Variants in PRUNE2 observed in about 807,000 individuals in gnomAD.
PRUNE2 encodes the protein protein prune homolog 2.
Under a neutral mutation model 252.0 loss-of-function variants are expected in PRUNE2, and 164 were observed. The observed-to-expected ratio is 0.65, with a 90% CI of 0.57 to 0.74. The LOEUF (loss-of-function observed/expected upper bound fraction) is 0.74, where lower values mean the gene tolerates loss of function less well. Ranked by LOEUF, PRUNE2 falls within the 30% of genes least tolerant of loss-of-function variation. PRUNE2 has a pLI of 0.00. For synonymous variants in PRUNE2, 1,292 were observed against 1,350.2 expected, an observed-to-expected ratio of 0.96 and a Z score of 0.94; for missense variants, 3,495 against 3,711.0, an observed-to-expected ratio of 0.94 and a Z score of 1.51.
chr9:76,850,718 C>A, intron 2 of PRUNE2, 53 bp from the exon 3 acceptor site: 3 of 1,337,928 alleles, frequency 2.2e-6, no homozygotes, highest in Non-Finnish European at 3.2e-6. Flanking sequence ...GGAAAGAATA[C>A]AATTACATTT....
At position 76,691,927 on chromosome 9, in the gene PRUNE2, G is replaced by A. The variant is rs368118425; in HGVS notation, c.8276+11410C>T. 100 of 630,246 alleles carry A rather than the reference G, an allele frequency of 1.6e-4. No individual in the cohort carries two copies. In the East Asian group the frequency reaches 2.5e-3, roughly 16 times the overall value. The allele number at this position is 630,246 out of a possible 1,614,324, so 39.0% of individuals were successfully genotyped here. On this transcript the variant is annotated intron_variant, in intron 9 of 18. Transcript: ENST00000376718. The stretch of plus-strand genomic sequence containing the variant: ...TGGCAGCTGTCAGTTGCAAGGGGCT[G>A]GGCAGAATTCGGCATCCTCTCATCC...
chr9:76,671,535 T>G (rs953612151), intron 9 of PRUNE2, among the ~76,000 whole-genome samples: 9 of 152,014 alleles, frequency 5.9e-5, no homozygotes, highest in African/African-American at 1.7e-4. Context: ...AATGTTCAGA[T>G]TCAGGAAATA....
At chr9:76,654,496 T>C (rs1848522102) in intron 10 of PRUNE2, among the ~76,000 whole-genome samples, 1 of 152,222 alleles carries the variant, frequency 6.6e-6, no homozygotes, top group Non-Finnish European at 1.5e-5. Flanking sequence ...TTCTTTGTGA[T>C]GATGAAAAGG....
In PRUNE2 at chr9:76,611,377, G is replaced by A. The variant is rs2131722173; in HGVS notation, c.*3193C>T. On this transcript the variant is annotated 3_prime_UTR_variant, in exon 19 of 19. Transcript: ENST00000376718. ...ACTCAAAGAAAGAAAACCATCACATGCAGAATCAATTTTTATTTCTGAATT... is the reference window on the plus strand; with the variant it reads ...ACTCAAAGAAAGAAAACCATCACATACAGAATCAATTTTTATTTCTGAATT... The A allele has an allele frequency of 6.6e-6, 1 of 152,264 alleles. No individual in the cohort carries two copies. Among genetic ancestry groups the A allele is most frequent in the South Asian group, 2.1e-4 (1 of 4,824 alleles). The allele number at this position is 152,264 out of a possible 1,614,324, so 9.4% of individuals were successfully genotyped here.
At chr9:76,870,117 G>T (rs2061099081) in intron 1 of PRUNE2, among the ~76,000 whole-genome samples, 1 of 151,978 alleles carries the variant, frequency 6.6e-6, no homozygotes, top group Non-Finnish European at 1.5e-5. Flanking sequence ...CATATCCAGA[G>T]ATTAACACAT....
chr9:76,671,246 C>T (rs548235656), intron 9 of PRUNE2, among the ~76,000 whole-genome samples: 18 of 144,818 alleles, frequency 1.2e-4, no homozygotes, highest in African/African-American at 3.8e-4. Context: ...TCGAGAACTA[C>T]GTGAAGAATG....
At chr9:76,681,704 G>C (rs980113008) in intron 9 of PRUNE2, among the ~76,000 whole-genome samples, 2 of 152,154 alleles carry the variant, frequency 1.3e-5, no homozygotes, top group African/African-American at 4.8e-5. Context: ...TGAACCACCA[G>C]AAAGGTGCTC....
Position 76,643,325 on chromosome 9 carries a change from TTTTTTAATAC to T in PRUNE2, c.8728+1404_8728+1413del, listed in dbSNP as rs138306572. On this transcript the variant is annotated intron_variant, in intron 12 of 18. Coordinates refer to ENST00000376718, the MANE Select transcript of PRUNE2 (RefSeq NM_015225.3). Reference sequence around the variant, plus strand: ...GACTTTGATGTGACAGACATTTTAATTTTTTAATACTTTTTAAAATGAACACAGACTACTC... The same window carrying T: ...GACTTTGATGTGACAGACATTTTAATTTTTTAAAATGAACACAGACTACTC... 5.2e-3 allele frequency among the ~76,000 whole-genome samples: 799 copies of T among 152,320 alleles called. 5 individuals carry two copies. The highest frequency in any genetic ancestry group is 0.017 in the African/African-American group (723 of 41,568).
At chr9:76,724,146 G>GA (rs1419817914) in intron 6 of PRUNE2, among the ~76,000 whole-genome samples, 1 of 149,176 alleles carries the variant, frequency 6.7e-6, no homozygotes, top group South Asian at 2.2e-4. Context: ...TAATTCATCT[G>GA]AAAGCACAGG....
intron 11 of PRUNE2, among the ~76,000 whole-genome samples, chr9:76,650,108 A>G (rs565982654): frequency 6.6e-6 from 1 of 152,238 alleles, no homozygotes; most frequent in South Asian, 2.1e-4. Flanking sequence ...GCCAGGAACT[A>G]AGGGCAACAA....
intron 4 of PRUNE2, among the ~76,000 whole-genome samples, chr9:76,845,973 ACC>A (rs1403294675): frequency 6.6e-6 from 1 of 152,114 alleles, no homozygotes; most frequent in Non-Finnish European, 1.5e-5. Context: ...TGTGTTCAGG[ACC>A]CCAGGGCTTG....
rs192972581 is a variant in PRUNE2, at chr9:76,614,229, T to C, written c.*341A>G. 17 of 298,974 alleles carry C rather than the reference T, an allele frequency of 5.7e-5. No homozygotes were observed. The highest frequency in any genetic ancestry group is 8.6e-5 in the Non-Finnish European group (14 of 162,082). The allele number at this position is 298,974 out of a possible 1,614,324, so 18.5% of individuals were successfully genotyped here. A position where few individuals can be genotyped will look rare whatever the true frequency, so the allele number is the denominator to read the frequency against. ...TAATCTATGGAAACAAATCCACTCA[T>C]ACTTAACAGTGGATTAAAGGTATCT... On this transcript the variant is annotated 3_prime_UTR_variant, in exon 19 of 19. Transcript: ENST00000376718.
At chr9:76,716,462 T>C (rs532330023) in intron 6 of PRUNE2, among the ~76,000 whole-genome samples, 2 of 152,294 alleles carry the variant, frequency 1.3e-5, no homozygotes, top group South Asian at 4.1e-4. Context: ...AACCAGTCCT[T>C]TGGACTCTCT....
At chr9:76,615,097 C>T (rs1164237970) in intron 18 of PRUNE2, 8 of 986,562 alleles carry the variant, frequency 8.1e-6, no homozygotes, top group Non-Finnish European at 9.6e-6. Context: ...GTTAGCCTAC[C>T]TTACTGAGAT....
At chr9:76,804,721 C>G (rs912857867) in intron 6 of PRUNE2, among the ~76,000 whole-genome samples, 1 of 152,182 alleles carries the variant, frequency 6.6e-6, no homozygotes, top group Non-Finnish European at 1.5e-5. Context: ...GTGGGGGCAG[C>G]GTGCTTGTTC....
rs1310350712 is a variant in PRUNE2 at position 76,705,263 on chromosome 9, T to G, written c.7011A>C (p.Leu2337=). Residue 2337 remains leucine (L), a synonymous_variant, in exon 8 of 19, where the codon CTA becomes CTC. Transcript: ENST00000376718. ...CAGATGAGCAGATATCTTGCTTCCCTAGGTCCCCATCAACTGGCGTTTCCG... is the reference window on the plus strand; with the variant it reads ...CAGATGAGCAGATATCTTGCTTCCCGAGGTCCCCATCAACTGGCGTTTCCG... ...GHPETPVDGD[L]GKQDICSSEA... 1.9e-6 allele frequency: 3 copies of G among 1,614,072 alleles called. No individual in the cohort carries two copies. Among genetic ancestry groups the G allele is most frequent in the Non-Finnish European group, 2.5e-6 (3 of 1,179,906 alleles).
intron 6 of PRUNE2, among the ~76,000 whole-genome samples, chr9:76,766,748 TG>T (rs1389386945): frequency 7.1e-6 from 1 of 140,532 alleles, no homozygotes; most frequent in South Asian, 2.5e-4. Flanking sequence ...CAGCCTGAAA[TG>T]TACAATCCCC....
Position 76,706,955 on chromosome 9 carries a change from C to T in PRUNE2, c.5319G>A (p.Thr1773=), listed in dbSNP as rs577993. The T allele has an allele frequency of 0.61, 985,389 of 1,613,296 alleles. 304,312 individuals carry two copies. The highest frequency in any genetic ancestry group is 0.74 in the Middle Eastern group (4,505 of 6,058). ...SPDPWTFSPL[T]ETEMQITAVE... ...CTGCTGTAATCTGCATTTCAGTCTC[C>T]GTTAATGGTGAGAAAGTCCAGGGAT... is the stretch of plus-strand genomic sequence containing the variant. The change falls in exon 8 of 19, where the codon ACG becomes ACA. Residue 1773 remains threonine (T), a synonymous_variant. Transcript: ENST00000376718.
intron 1 of PRUNE2, among the ~76,000 whole-genome samples, chr9:76,857,899 G>A (rs1382595932): frequency 2.6e-5 from 4 of 152,102 alleles, no homozygotes; most frequent in African/African-American, 9.7e-5. Context: ...CTAGTTCACG[G>A]AACCCAAAAG....
Sources: gnomAD v4.1 joint callset for allele counts (sites outside exome capture counted in the v4.1 genomes callset) on GRCh38, gnomAD v4.1.1 for gene constraint, MANE v1.5 for transcripts, NCBI Gene and HGNC (gene_info 2026-07-23, HGNC 2026-07-21) for gene names.